The following RALGAPA2 variants were observed in gnomAD, a reference collection of about 807,000 sequenced individuals.
RALGAPA2 encodes the protein Ral GTPase activating protein catalytic subunit alpha 2.
A neutral mutation model predicts 230.4 loss-of-function variants in RALGAPA2; 139 were observed. That is an observed-to-expected ratio of 0.60 (90% CI 0.53 to 0.69). RALGAPA2 has a LOEUF of 0.69. RALGAPA2 is among the 30% of genes least tolerant of loss of function. The pLI is 0.00. For missense variants in RALGAPA2, 2,163 were observed against 2,276.0 expected, an observed-to-expected ratio of 0.95 and a Z score of 1.01; for synonymous variants, 847 against 837.8, an observed-to-expected ratio of 1.01 and a Z score of -0.19.
At chr20:20,489,567 GAA>G (rs200699269) in intron 36 of RALGAPA2, among the ~76,000 whole-genome samples, 9 of 132,508 alleles carry the variant, frequency 6.8e-5, no homozygotes, top group African/African-American at 1.1e-4. Context: ...AAGTATTCAT[GAA>G]AAAAAAAAAA....
chr20:20,427,121 G>A (rs1418422946), intron 37 of RALGAPA2, among the ~76,000 whole-genome samples: 1 of 152,084 alleles, frequency 6.6e-6, no homozygotes, highest in Non-Finnish European at 1.5e-5. Context: ...GACTAGTGAG[G>A]CCAAAACTAG....
intron 17 of RALGAPA2, 81 bp downstream of exon 17, chr20:20,591,096 G>A (rs2065275646): frequency 6.9e-7 from 1 of 1,457,888 alleles, no homozygotes; most frequent in Non-Finnish European, 9.4e-7. Context: ...CAGAATATAT[G>A]TACAAAGCAA....
In RALGAPA2 at chr20:20,703,578, C is replaced by T. The variant is rs541962836; in HGVS notation, c.106+8797G>A. Among the ~76,000 whole-genome samples the T allele has an allele frequency of 2.0e-5, 3 of 152,132 alleles. No individual in the cohort carries two copies. In the East Asian group the frequency reaches 5.8e-4, roughly 29 times the overall value. On this transcript the variant is annotated intron_variant, in intron 1 of 39. Coordinates refer to ENST00000202677, the MANE Select transcript of RALGAPA2 (RefSeq NM_020343.4). The stretch of plus-strand genomic sequence containing the variant: ...TTTTATAATTAATATGAACTGATTG[C>T]TTAAGGTAGTAATTTGATTAAATGA...
chr20:20,476,040 T>C (rs2061643428), intron 36 of RALGAPA2, among the ~76,000 whole-genome samples: 1 of 152,152 alleles, frequency 6.6e-6, no homozygotes, highest in African/African-American at 2.4e-5. Flanking sequence ...GACATCTATA[T>C]TGAAAACTAC....
At chr20:20,541,279 C>G (rs898533301) in intron 24 of RALGAPA2, among the ~76,000 whole-genome samples, 2 of 152,048 alleles carry the variant, frequency 1.3e-5, no homozygotes, top group Non-Finnish European at 2.9e-5. Flanking sequence ...CAGTGGATGA[C>G]TGAAACTGTG....
chr20:20,443,272 G>A (rs2060780412), intron 37 of RALGAPA2, among the ~76,000 whole-genome samples: 1 of 152,218 alleles, frequency 6.6e-6, no homozygotes. Context: ...TTCATTTCCT[G>A]GATGAGGAAG....
chr20:20,472,256 A>T (rs956726715), intron 37 of RALGAPA2: 1 of 152,208 alleles, frequency 6.6e-6, no homozygotes, highest in African/African-American at 2.4e-5. Flanking sequence ...ATTACAAAAG[A>T]ATTTCTAGCT....
chr20:20,672,269 T>C (rs780575535), intron 3 of RALGAPA2, among the ~76,000 whole-genome samples: 41 of 152,070 alleles, frequency 2.7e-4, no homozygotes, highest in Non-Finnish European at 4.9e-4. Context: ...TCAGTACCAC[T>C]CTCAAAATCA....
chr20:20,565,514 T>C (rs973941522), intron 23 of RALGAPA2, among the ~76,000 whole-genome samples: 3 of 152,208 alleles, frequency 2.0e-5, no homozygotes, highest in African/African-American at 7.2e-5. Flanking sequence ...TACAAACGAC[T>C]GTTTATTATT....
At chr20:20,515,528 T>C (rs2062843081) in intron 31 of RALGAPA2, among the ~76,000 whole-genome samples, 1 of 152,184 alleles carries the variant, frequency 6.6e-6, no homozygotes, top group African/African-American at 2.4e-5. Flanking sequence ...GAGACTACCT[T>C]CAGAATACAC....
rs57009086 is a variant in RALGAPA2, at chr20:20,459,348, G to A, written c.5495+13481C>T. The stretch of plus-strand genomic sequence containing the variant: ...CTATACTTTATGTCATAATGTACTA[G>A]TAAAGCAGAACTTGTACATACTTTA... On this transcript the variant is annotated intron_variant, in intron 37 of 39. Transcript: ENST00000202677. Among the ~76,000 whole-genome samples the A allele has an allele frequency of 8.4e-3, 1,273 of 151,438 alleles. 15 individuals are homozygous for A. The highest frequency in any genetic ancestry group is 0.029 in the African/African-American group (1,208 of 41,246).
Position 20,510,287 on chromosome 20 carries a change from A to G in RALGAPA2, c.4928+967T>C. Among the ~76,000 whole-genome samples, 2 of 152,226 alleles carry G rather than the reference A, an allele frequency of 1.3e-5. 1 individual carries two copies. The highest frequency in any genetic ancestry group is 2.9e-5 in the Non-Finnish European group (2 of 68,038). ...TTCTAAGATATGACTTTGTCAAGAT[A>G]AAGCAGGGCTCTGTTATTTCCTTTC... On this transcript the variant is annotated intron_variant, in intron 33 of 39. Transcript: ENST00000202677.
Position 20,637,514 on chromosome 20 carries a change from T to C in RALGAPA2, c.667-13A>G, listed in dbSNP as rs1234853693. ...CCAAGCTCGCAGCCTTTGGATAATA[T>C]GTGGAAAAGAACATATGTATATTTA... On this transcript the variant is annotated splice_polypyrimidine_tract_variant and intron_variant, in intron 7 of 39. Coordinates refer to ENST00000202677, the MANE Select transcript of RALGAPA2 (RefSeq NM_020343.4). 7.1e-6 allele frequency: 11 copies of C among 1,546,906 alleles called. No homozygotes were observed. Among genetic ancestry groups the C allele is most frequent in the South Asian group, 2.4e-5 (2 of 83,208 alleles).
In RALGAPA2 at chr20:20,505,489, T is replaced by C; in HGVS notation, c.4974A>G (p.Gln1658=). 1.2e-6 allele frequency: 2 copies of C among 1,605,830 alleles called. No individual in the cohort carries two copies. Among genetic ancestry groups the C allele is most frequent in the Non-Finnish European group, 1.7e-6 (2 of 1,175,430 alleles). ...KIAVFYIAEG[Q]EDKCSILSNE... is the part of the protein sequence containing the mutation. Reference sequence around the variant, plus strand: ...TAGAGAGGATTGAACACTTGTCTTCTTGACCTTCAGCAATGTAAAACACTG... The same window carrying C: ...TAGAGAGGATTGAACACTTGTCTTCCTGACCTTCAGCAATGTAAAACACTG... Residue 1658 remains glutamine, a synonymous_variant, in exon 34 of 40, where the codon CAA becomes CAG. Transcript: ENST00000202677.
rs569749614 is a variant in RALGAPA2 at position 20,425,271 on chromosome 20, C to T, written c.5496-13123G>A. Among the ~76,000 whole-genome samples the T allele has an allele frequency of 2.6e-5, 4 of 152,284 alleles. No homozygotes were observed. In the South Asian group the frequency reaches 8.3e-4, roughly 32 times the overall value. On this transcript the variant is annotated intron_variant, in intron 37 of 39. Transcript: ENST00000202677. ...CACGTGAAATCAGACTAGGCTCAGGCACGACACAACTGAATTTTGTGGTCC... is the reference window on the plus strand; with the variant it reads ...CACGTGAAATCAGACTAGGCTCAGGTACGACACAACTGAATTTTGTGGTCC...
At chr20:20,585,850 G>GT (rs1417911159) in intron 18 of RALGAPA2, among the ~76,000 whole-genome samples, 3 of 151,876 alleles carry the variant, frequency 2.0e-5, no homozygotes, top group Non-Finnish European at 4.4e-5. Context: ...GTTCAAGTGG[G>GT]GAACAAGATG....
chr20:20,599,324 A>T (rs895511565), intron 16 of RALGAPA2, among the ~76,000 whole-genome samples: 1 of 152,210 alleles, frequency 6.6e-6, no homozygotes, highest in Non-Finnish European at 1.5e-5. Context: ...AAGATTTGAT[A>T]TTTGAGGAAA....
intron 25 of RALGAPA2, 33 bp downstream of exon 25, chr20:20,536,622 CT>C: frequency 6.2e-7 from 1 of 1,600,494 alleles, no homozygotes; most frequent in South Asian, 1.1e-5. Context: ...ATAAAAAGTA[CT>C]AAACTTGAGA....
chr20:20,604,498 G>A (rs776854074), intron 15 of RALGAPA2, among the ~76,000 whole-genome samples: 20 of 152,174 alleles, frequency 1.3e-4, no homozygotes, highest in Non-Finnish European at 2.8e-4. Context: ...GTGACATCTT[G>A]AGTTGTATTT....
Sources: allele counts gnomAD v4.1 joint callset (sites outside exome capture counted in the v4.1 genomes callset), GRCh38; gene constraint gnomAD v4.1.1; transcripts MANE v1.5; gene names NCBI Gene and HGNC (gene_info 2026-07-23, HGNC 2026-07-21).